NUDCD3: variants seen among roughly 807,000 people sequenced by gnomAD.
The protein encoded by NUDCD3 is nudC domain-containing protein 3.
NUDCD3 carries 13 observed loss-of-function variants against 39.7 expected under a neutral mutation model. The observed-to-expected ratio is 0.33, with a 90% CI of 0.21 to 0.52. NUDCD3 has a LOEUF of 0.52. Among genes scored for constraint, NUDCD3 ranks in the 20% least tolerant of loss-of-function variants. The pLI, the probability that NUDCD3 is intolerant of heterozygous loss-of-function variation, is 0.96. For missense variants in NUDCD3, 453 were observed against 458.1 expected (o/e 0.99, Z 0.10); for synonymous variants, 175 against 172.4 (o/e 1.02, Z -0.12).
In NUDCD3 at chr7:44,382,739, C is replaced by G. The variant is rs1253652148; in HGVS notation, c.*3272G>C. The G allele has an allele frequency of 6.6e-6, 1 of 152,340 alleles. No homozygotes were observed. The highest frequency in any genetic ancestry group is 1.5e-5 in the Non-Finnish European group (1 of 68,146). 9.4% of individuals were successfully genotyped at this position (152,340 alleles called of 1,614,324 possible). ...ATCGACAAAGCGAGTCATGCTGTCC[C>G]TTCCCCAGCTGAGCTGGCTGCCAAC... On this transcript the variant is annotated 3_prime_UTR_variant, in exon 6 of 6. Coordinates refer to ENST00000355451, the MANE Select transcript of NUDCD3 (RefSeq NM_015332.4).
chr7:44,446,464 G>A (rs187148485), intron 2 of NUDCD3, among the ~76,000 whole-genome samples: 2 of 152,336 alleles, frequency 1.3e-5, no homozygotes, highest in East Asian at 3.9e-4. Context: ...AGACAGGCTG[G>A]AGAAACAGTC....
At chr7:44,448,421 C>G (rs961087606) in intron 2 of NUDCD3, among the ~76,000 whole-genome samples, 7 of 152,114 alleles carry the variant, frequency 4.6e-5, no homozygotes, top group African/African-American at 1.4e-4. Context: ...GAACACCTGC[C>G]CGAGGCGCCG....
At chr7:44,427,909 C>A (rs1799269431) in intron 2 of NUDCD3, among the ~76,000 whole-genome samples, 1 of 151,968 alleles carries the variant, frequency 6.6e-6, no homozygotes, top group Non-Finnish European at 1.5e-5. Context: ...ATGGAAATCA[C>A]AGGACAAGGG....
At chr7:44,474,885 T>C (rs755741686) in intron 2 of NUDCD3, among the ~76,000 whole-genome samples, 7 of 152,168 alleles carry the variant, frequency 4.6e-5, no homozygotes, top group South Asian at 4.1e-4. Flanking sequence ...AAAGGTGAAA[T>C]AGCAGCTATG....
intron 1 of NUDCD3, among the ~76,000 whole-genome samples, chr7:44,487,287 T>A (rs558454640): frequency 6.6e-6 from 1 of 152,124 alleles, no homozygotes; most frequent in Non-Finnish European, 1.5e-5. Flanking sequence ...ACACCAACAC[T>A]GTACTCCCCA....
intron 1 of NUDCD3, 196 bp downstream of exon 1, chr7:44,490,213 G>T (rs547200070): frequency 8.9e-5 from 51 of 575,078 alleles, no homozygotes; most frequent in Middle Eastern, 9.4e-4. Flanking sequence ...ACCTCAGGAC[G>T]TCCGGAGCGA....
chr7:44,433,899 C>CT (rs1799417560), intron 2 of NUDCD3, among the ~76,000 whole-genome samples: 1 of 152,166 alleles, frequency 6.6e-6, no homozygotes, highest in Admixed American at 6.5e-5. Context: ...TCCTTCCTCC[C>CT]TTTTTCCTCC....
intron 2 of NUDCD3, among the ~76,000 whole-genome samples, chr7:44,437,133 G>A (rs547419487): frequency 1.4e-5 from 2 of 145,264 alleles, no homozygotes; most frequent in East Asian, 2.0e-4. Context: ...GCAATGGTGC[G>A]ATCTCGGCTC....
intron 2 of NUDCD3, among the ~76,000 whole-genome samples, chr7:44,459,852 T>C (rs1489388252): frequency 6.6e-6 from 1 of 152,176 alleles, no homozygotes; most frequent in Non-Finnish European, 1.5e-5. Flanking sequence ...TGCTTCCTTT[T>C]AACAGGAAAA....
chr7:44,404,847 T>G (rs780914924), intron 3 of NUDCD3, among the ~76,000 whole-genome samples: 2 of 152,202 alleles, frequency 1.3e-5, no homozygotes, highest in Admixed American at 1.3e-4. Flanking sequence ...GAAGCTGCTG[T>G]GACCCAATCT....
intron 4 of NUDCD3, among the ~76,000 whole-genome samples, chr7:44,402,210 G>A (rs1048664457): frequency 1.1e-4 from 16 of 152,124 alleles, no homozygotes; most frequent in Non-Finnish European, 2.2e-4. Context: ...GTCCCAATAC[G>A]TAAAATAAGT....
At chr7:44,423,987 C>T (rs940355883) in intron 3 of NUDCD3, among the ~76,000 whole-genome samples, 3 of 152,100 alleles carry the variant, frequency 2.0e-5, no homozygotes, top group African/African-American at 7.2e-5. Flanking sequence ...AGAAATACCA[C>T]CACACATCTA....
In NUDCD3 at chr7:44,430,131, T is replaced by C. The variant is rs150524790; in HGVS notation, c.510-2428A>G. 3.9e-3 allele frequency among the ~76,000 whole-genome samples: 599 copies of C among 152,300 alleles called. 7 individuals are homozygous for C. Among genetic ancestry groups the C allele is most frequent in the African/African-American group, 0.014 (569 of 41,564 alleles). On this transcript the variant is annotated intron_variant, in intron 2 of 5. Coordinates refer to ENST00000355451, the MANE Select transcript of NUDCD3 (RefSeq NM_015332.4). ...CTTTCTTCTTTGTACCTAGGTATTA[T>C]CCAAACTCCCTAGAATATGTAGACA...
At chr7:44,399,065 T>C (rs1234122523) in intron 4 of NUDCD3, among the ~76,000 whole-genome samples, 1 of 152,220 alleles carries the variant, frequency 6.6e-6, no homozygotes, top group Non-Finnish European at 1.5e-5. Flanking sequence ...AAGGCCCATG[T>C]ATTCCAGGGA....
intron 2 of NUDCD3, among the ~76,000 whole-genome samples, chr7:44,446,314 C>A (rs765012307): frequency 3.9e-5 from 6 of 152,110 alleles, no homozygotes; most frequent in Non-Finnish European, 7.4e-5. Context: ...AATGGCCACC[C>A]CAGAGAGCAG....
intron 3 of NUDCD3, chr7:44,426,113 T>C: frequency 1.0e-6 from 1 of 985,366 alleles, no homozygotes; most frequent in East Asian, 1.1e-4. Context: ...TTGCTTTGCC[T>C]CTCAGGACTG....
intron 2 of NUDCD3, among the ~76,000 whole-genome samples, chr7:44,469,946 C>T (rs2116963219): frequency 6.6e-6 from 1 of 152,104 alleles, no homozygotes; most frequent in East Asian, 1.9e-4. Flanking sequence ...GAGACACAAC[C>T]ACGAATACAA....
chr7:44,439,445 G>A (rs1799533390), intron 2 of NUDCD3, among the ~76,000 whole-genome samples: 1 of 152,104 alleles, frequency 6.6e-6, no homozygotes, highest in Non-Finnish European at 1.5e-5. Flanking sequence ...CCCTCTGAGT[G>A]CCCAGATCTT....
chr7:44,415,131 A>C (rs1236436341), intron 3 of NUDCD3, among the ~76,000 whole-genome samples: 1 of 152,238 alleles, frequency 6.6e-6, no homozygotes, highest in African/African-American at 2.4e-5. Flanking sequence ...TCTATGATCT[A>C]CCATCAACCC....
Sources: gnomAD v4.1 joint callset for allele counts (sites outside exome capture counted in the v4.1 genomes callset) on GRCh38, gnomAD v4.1.1 for gene constraint, MANE v1.5 for transcripts, NCBI Gene and HGNC (gene_info 2026-07-23, HGNC 2026-07-21) for gene names.